Variants in EDEM3 observed in about 807,000 individuals in gnomAD.
EDEM3 encodes the protein ER degradation-enhancing alpha-mannosidase-like protein 3.
A neutral mutation model predicts 110.2 loss-of-function variants in EDEM3; 60 were observed. The ratio of observed to expected loss-of-function variants is 0.54; its 90% confidence interval spans 0.44 to 0.67. EDEM3 has a LOEUF of 0.67. EDEM3 is among the 30% of genes least tolerant of loss of function. EDEM3 has a pLI of 0.00. For missense variants in EDEM3, 996 were observed against 1,121.0 expected, an observed-to-expected ratio of 0.89 and a Z score of 1.59; for synonymous variants, 352 against 382.9, an observed-to-expected ratio of 0.92 and a Z score of 0.94.
At chr1:184,748,624 G>A (rs1652578352) in intron 2 of EDEM3, among the ~76,000 whole-genome samples, 3 of 152,064 alleles carry the variant, frequency 2.0e-5, no homozygotes, top group South Asian at 2.1e-4. Context: ...AAAAGAGAAC[G>A]AGGACTGTCA....
rs1419467254 is a variant in EDEM3, at chr1:184,694,012, A to G, written c.*51T>C. On this transcript the variant is annotated 3_prime_UTR_variant, in exon 20 of 20. Transcript: ENST00000318130. ...TAGTATTAGGATGTCTATTAACCAC[A>G]CACAGTTTACCTTTTCTTTTTAAAT... The G allele has an allele frequency of 2.6e-6, 4 of 1,555,500 alleles. No individual in the cohort carries two copies. Among genetic ancestry groups the G allele is most frequent in the South Asian group, 2.5e-5 (2 of 81,324 alleles).
intron 8 of EDEM3, 111 bp from the exon 9 acceptor site, chr1:184,721,497 G>A (rs1475470301): frequency 4.8e-6 from 3 of 630,288 alleles, no homozygotes; most frequent in Non-Finnish European, 7.8e-6. Flanking sequence ...GCATATATAT[G>A]ACTACACCAG....
At chr1:184,732,332 G>T (rs1651575839) in intron 6 of EDEM3, among the ~76,000 whole-genome samples, 1 of 152,132 alleles carries the variant, frequency 6.6e-6, no homozygotes, top group African/African-American at 2.4e-5. Context: ...GGTGGGGATG[G>T]GGAATAGGGA....
intron 6 of EDEM3, among the ~76,000 whole-genome samples, chr1:184,730,907 G>T (rs1651474990): frequency 6.6e-6 from 1 of 150,752 alleles, no homozygotes; most frequent in Non-Finnish European, 1.5e-5. Flanking sequence ...ACTATAGATT[G>T]TTCTAGCTGA....
intron 4 of EDEM3, among the ~76,000 whole-genome samples, chr1:184,735,004 T>C (rs1651743929): frequency 6.6e-6 from 1 of 152,206 alleles, no homozygotes; most frequent in Non-Finnish European, 1.5e-5. Flanking sequence ...ACCAGATACA[T>C]TCTAAAAGTT....
chr1:184,711,869 T>C lies in EDEM3; in HGVS notation c.1545A>G (p.Glu515=). 1 of 1,601,564 alleles carries C rather than the reference T, an allele frequency of 6.2e-7. No individual in the cohort carries two copies. The highest frequency in any genetic ancestry group is 8.5e-7 in the Non-Finnish European group (1 of 1,175,960). ...QSISKKNTTS[E]YTELDDSNFD... ...AGTTACTGTCATCCAGTTCTGTATATTCCGAGGTCTACAAGAGAAAAACAT... is the reference window on the plus strand; with the variant it reads ...AGTTACTGTCATCCAGTTCTGTATACTCCGAGGTCTACAAGAGAAAAACAT... Residue 515 remains glutamate, a synonymous_variant, in exon 15 of 20, where the codon GAA becomes GAG. Transcript: ENST00000318130.
chr1:184,704,211 C>A (rs2064607), intron 18 of EDEM3, among the ~76,000 whole-genome samples: 1 of 152,188 alleles, frequency 6.6e-6, no homozygotes, highest in Non-Finnish European at 1.5e-5. Flanking sequence ...CACATGATTT[C>A]TAAGATAATT....
intron 19 of EDEM3, among the ~76,000 whole-genome samples, chr1:184,698,157 C>T (rs1649426740): frequency 6.6e-6 from 1 of 151,694 alleles, no homozygotes; most frequent in South Asian, 2.1e-4. Flanking sequence ...GAAACATGTA[C>T]TCTCATATCT....
intron 4 of EDEM3, among the ~76,000 whole-genome samples, chr1:184,735,218 C>G (rs1651756512): frequency 6.6e-6 from 1 of 152,170 alleles, no homozygotes; most frequent in African/African-American, 2.4e-5. Flanking sequence ...CAACTTACTT[C>G]CATTTCTGAG....
At chr1:184,694,745 A>G (rs1389545539) in intron 19 of EDEM3, among the ~76,000 whole-genome samples, 2 of 152,074 alleles carry the variant, frequency 1.3e-5, no homozygotes, top group Non-Finnish European at 2.9e-5. Flanking sequence ...ATCAGTGGAC[A>G]TTAGTAAGCC....
chr1:184,747,410 A>T (rs978160136), intron 2 of EDEM3, among the ~76,000 whole-genome samples: 1 of 152,098 alleles, frequency 6.6e-6, no homozygotes, highest in Non-Finnish European at 1.5e-5. Flanking sequence ...AACAAATACA[A>T]GGCAACTGTA....
intron 8 of EDEM3, among the ~76,000 whole-genome samples, chr1:184,723,514 C>T (rs1159420881): frequency 6.6e-6 from 1 of 151,990 alleles, no homozygotes; most frequent in Non-Finnish European, 1.5e-5. Context: ...GTTTCATCTA[C>T]ACCCTATACC....
intron 9 of EDEM3, 85 bp from the exon 10 acceptor site, chr1:184,719,653 T>C: frequency 1.5e-6 from 2 of 1,324,670 alleles, no homozygotes; most frequent in Admixed American, 2.6e-5. Context: ...TGTGAATAAA[T>C]TAAACTAGAA....
In EDEM3 at chr1:184,737,044, T is replaced by G. The variant is rs1651865472; in HGVS notation, c.326A>C (p.Asp109Ala). 1 of 1,610,876 alleles carries G rather than the reference T, an allele frequency of 6.2e-7. No individual in the cohort carries two copies. Among genetic ancestry groups the G allele is most frequent in the Non-Finnish European group, 8.5e-7 (1 of 1,178,644 alleles). Residue 109 changes from aspartate (D) to alanine (A), a missense_variant, in exon 4 of 20, where the codon GAT becomes GCT. Physicochemically the swap from Asp to Ala is moderately radical, Grantham distance 126. Transcript: ENST00000318130. ...ACCTACCACAAGAGTGTCCAAAGAA[T>G]CAATCAGTGTCAGAGAAAATCTAAG... ...ALGKFSLTLI[D>A]SLDTLVVLNK...
rs532569129 is a variant in EDEM3, at chr1:184,744,435, C to A, written c.204+5112G>T. Among the ~76,000 whole-genome samples, 7 of 151,544 alleles carry A rather than the reference C, an allele frequency of 4.6e-5. No homozygotes were observed. The South Asian group carries it at 1.5e-3, about 32-fold the overall frequency. Reference sequence around the variant, plus strand: ...ACTGGAAATACCAAGTGGAAGGACACAGAATAATTAAAACTCATACACTGC... The same window carrying A: ...ACTGGAAATACCAAGTGGAAGGACAAAGAATAATTAAAACTCATACACTGC... On this transcript the variant is annotated intron_variant, in intron 2 of 19. Coordinates refer to ENST00000318130, the MANE Select transcript of EDEM3 (RefSeq NM_025191.4).
Position 184,752,060 on chromosome 1 carries a change from C to T in EDEM3, c.158+2429G>A, listed in dbSNP as rs561983721. 5.9e-5 allele frequency among the ~76,000 whole-genome samples: 9 copies of T among 152,298 alleles called. No individual in the cohort carries two copies. The South Asian group carries it at 1.2e-3, about 21-fold the overall frequency. Reference sequence around the variant, plus strand: ...GAGCCACCATGCCAGGCCAAGTCGGCTTTTTCTAAAGTTACGTCTCCTGCC... The same window carrying T: ...GAGCCACCATGCCAGGCCAAGTCGGTTTTTTCTAAAGTTACGTCTCCTGCC... On this transcript the variant is annotated intron_variant, in intron 1 of 19. Coordinates refer to ENST00000318130, the MANE Select transcript of EDEM3 (RefSeq NM_025191.4).
intron 19 of EDEM3, among the ~76,000 whole-genome samples, chr1:184,696,955 T>C (rs1158051948): frequency 6.6e-6 from 1 of 151,940 alleles, no homozygotes; most frequent in Non-Finnish European, 1.5e-5. Context: ...ATAATCAATG[T>C]AAATATAGAA....
intron 6 of EDEM3, among the ~76,000 whole-genome samples, chr1:184,728,390 T>C (rs548868555): frequency 2.0e-5 from 3 of 152,342 alleles, no homozygotes; most frequent in East Asian, 1.9e-4. Flanking sequence ...TAAACATCTC[T>C]GTATTCCACT....
Position 184,711,818 on chromosome 1 carries a change from C to T in EDEM3, c.1596G>A (p.Gln532=). Residue 532 remains glutamine, a synonymous_variant, in exon 15 of 20, where the codon CAG becomes CAA. Transcript: ENST00000318130. ...SNFDWTCPNT[Q]ILFPNDPLYA... ...ACAATGGGTCATTAGGAAAGAGGAT[C>T]TGAGTATTTGGACAAGTCCAATCGA... 6.2e-7 allele frequency: 1 copy of T among 1,613,494 alleles called. No homozygotes were observed. The highest frequency in any genetic ancestry group is 8.5e-7 in the Non-Finnish European group (1 of 1,179,632).
Sources: allele counts gnomAD v4.1 joint callset (sites outside exome capture counted in the v4.1 genomes callset), GRCh38; gene constraint gnomAD v4.1.1; transcripts MANE v1.5; gene names NCBI Gene and HGNC (gene_info 2026-07-23, HGNC 2026-07-21).